Variants in SPTBN1 observed in about 807,000 individuals in gnomAD.
The protein encoded by SPTBN1 is spectrin beta, non-erythrocytic 1.
In SPTBN1, 32 loss-of-function variants were observed where a neutral mutation model predicts 266.4. That is an observed-to-expected ratio of 0.12 (90% confidence interval 0.09 to 0.16). The LOEUF (loss-of-function observed/expected upper bound fraction) is 0.16, where lower values mean the gene tolerates loss of function less well. Among genes scored for constraint, SPTBN1 ranks in the 10% least tolerant of loss-of-function variants. The pLI, the probability that SPTBN1 is intolerant of heterozygous loss-of-function variation, is 1.00. For synonymous variants in SPTBN1, 1,336 were observed against 1,162.2 expected (o/e 1.15, Z -3.04); for missense variants, 2,296 against 3,067.1 (o/e 0.75, Z 5.94).
At chr2:54,655,777 G>A in intron 28 of SPTBN1, 137 bp from the exon 29 acceptor site, 1 of 616,692 alleles carries the variant, frequency 1.6e-6, no homozygotes, top group East Asian at 3.2e-5. Flanking sequence ...TCCTCAGACA[G>A]ACTGAGCAGT....
rs191740225 is a variant in SPTBN1, at chr2:54,644,615, G to T, written c.4269+29G>T. 158 of 1,579,484 alleles carry T rather than the reference G, an allele frequency of 1.0e-4. No individual in the cohort carries two copies. The East Asian group carries it at 2.1e-3, about 21-fold the overall frequency. ...AGTGGACAAGCCATCATGGACTTGG[G>T]TGTATTTCTGTTTTACAGCCATAGT... is the stretch of plus-strand genomic sequence containing the variant. On this transcript the variant is annotated intron_variant, in intron 20 of 35. Coordinates refer to ENST00000356805, the MANE Select transcript of SPTBN1 (RefSeq NM_003128.3).
chr2:54,584,660 A>C (rs1024995509), intron 2 of SPTBN1, among the ~76,000 whole-genome samples: 1 of 152,230 alleles, frequency 6.6e-6, no homozygotes, highest in Non-Finnish European at 1.5e-5. Context: ...CTTCCCACCC[A>C]GATCCAAGAT....
chr2:54,531,570 T>C (rs1671241091), intron 2 of SPTBN1, among the ~76,000 whole-genome samples: 1 of 152,010 alleles, frequency 6.6e-6, no homozygotes, highest in South Asian at 2.1e-4. Flanking sequence ...ACTATAAGTG[T>C]GTGCCACAAA....
intron 9 of SPTBN1, among the ~76,000 whole-genome samples, chr2:54,623,126 T>C (rs759702842): frequency 8.1e-5 from 12 of 148,772 alleles, no homozygotes; most frequent in Non-Finnish European, 1.6e-4. Flanking sequence ...CTAAAACCCA[T>C]TGAAAATTAT....
rs1362983262 is a variant in SPTBN1 at position 54,626,508 on chromosome 2, G to A, written c.1644+274G>A. 2.0e-5 allele frequency among the ~76,000 whole-genome samples: 3 copies of A among 152,146 alleles called. No homozygotes were observed. The highest frequency in any genetic ancestry group is 3.4e-3 in the Middle Eastern group (1 of 292). On this transcript the variant is annotated intron_variant, in intron 12 of 35. Coordinates refer to ENST00000356805, the MANE Select transcript of SPTBN1 (RefSeq NM_003128.3). This position sits in a 1 kb window ranked among gnomAD's most constrained non-coding sequence, Gnocchi z 4.7. The stretch of plus-strand genomic sequence containing the variant: ...CAGTGTAGGGAATCAATCACATTGT[G>A]GTTTTCTTTATTTTTAAGTTTTCAG...
intron 2 of SPTBN1, among the ~76,000 whole-genome samples, chr2:54,594,581 G>A (rs1573490190): frequency 1.3e-5 from 2 of 152,130 alleles, no homozygotes; most frequent in Non-Finnish European, 2.9e-5. Context: ...GGACGACTGT[G>A]CCTGGGACAT....
chr2:54,489,916 A>C (rs1668597285), intron 1 of SPTBN1, among the ~76,000 whole-genome samples: 1 of 152,178 alleles, frequency 6.6e-6, no homozygotes, highest in Non-Finnish European at 1.5e-5. Flanking sequence ...TTCTGGATCA[A>C]CGAGAAGACC....
chr2:54,659,744 T>C (rs1391824239), intron 31 of SPTBN1, among the ~76,000 whole-genome samples, 192 bp from the exon 32 acceptor site: 3 of 152,188 alleles, frequency 2.0e-5, no homozygotes, highest in Admixed American at 1.3e-4. Context: ...GCATAGGGCA[T>C]TCCTGTAGTC....
At chr2:54,571,137 A>G (rs1674035058) in intron 2 of SPTBN1, among the ~76,000 whole-genome samples, 1 of 152,128 alleles carries the variant, frequency 6.6e-6, no homozygotes, top group African/African-American at 2.4e-5. Flanking sequence ...GGGGGTGGTC[A>G]GGAGAGCAGT....
chr2:54,580,206 A>G (rs1246968155), intron 2 of SPTBN1, among the ~76,000 whole-genome samples: 1 of 152,198 alleles, frequency 6.6e-6, no homozygotes, highest in African/African-American at 2.4e-5. Flanking sequence ...TCTTTAAAGT[A>G]AAACCCCTTT....
chr2:54,499,826 A>C (rs1049097548), intron 1 of SPTBN1, among the ~76,000 whole-genome samples: 2 of 152,214 alleles, frequency 1.3e-5, no homozygotes, highest in African/African-American at 4.8e-5. Flanking sequence ...CTAATAGTAC[A>C]TAATAATAAA....
At chr2:54,566,552 C>G (rs944671585) in intron 2 of SPTBN1, among the ~76,000 whole-genome samples, 1 of 151,984 alleles carries the variant, frequency 6.6e-6, no homozygotes, top group African/African-American at 2.4e-5. Flanking sequence ...TTTGACAGGC[C>G]AAGCTCAGTG....
chr2:54,557,465 C>G, intron 2 of SPTBN1, among the ~76,000 whole-genome samples: 1 of 152,144 alleles, frequency 6.6e-6, no homozygotes, highest in Non-Finnish European at 1.5e-5. Flanking sequence ...TTTGATCATT[C>G]TCTTTTCTAT....
intron 1 of SPTBN1, among the ~76,000 whole-genome samples, chr2:54,489,168 A>C (rs940518200): frequency 6.0e-5 from 9 of 150,892 alleles, no homozygotes; most frequent in African/African-American, 1.9e-4. Context: ...AAAAAAAAAA[A>C]AAAAAAACCA....
chr2:54,644,593 G>A lies in SPTBN1; in HGVS notation c.4269+7G>A. ...CCTGCTGAAAAAGCAACAGGCAAGT[G>A]GACAAGCCATCATGGACTTGGGTGT... On this transcript the variant is annotated splice_region_variant and intron_variant, in intron 20 of 35. Transcript: ENST00000356805. 2 of 1,597,298 alleles carry A rather than the reference G, an allele frequency of 1.3e-6. No homozygotes were observed. Among genetic ancestry groups the A allele is most frequent in the Non-Finnish European group, 1.7e-6 (2 of 1,167,266 alleles).
chr2:54,567,831 G>A (rs540058933), intron 2 of SPTBN1, among the ~76,000 whole-genome samples: 251 of 152,250 alleles, frequency 1.6e-3, no homozygotes, highest in Non-Finnish European at 2.6e-3. Flanking sequence ...TATGATGATC[G>A]TTTTGGAGGG....
At position 54,616,192 on chromosome 2, in the gene SPTBN1, C is replaced by A. The variant is rs1445709564; in HGVS notation, c.475-15C>A. 6.2e-7 allele frequency: 1 copy of A among 1,610,070 alleles called. No individual in the cohort carries two copies. The highest frequency in any genetic ancestry group is 8.5e-7 in the Non-Finnish European group (1 of 1,176,996). ...TGACCCATCTATTTGTCTAATATTT[C>A]TTTGTAAATCTTAGATCCAGGATAT... On this transcript the variant is annotated splice_polypyrimidine_tract_variant and intron_variant, in intron 4 of 35. Coordinates refer to ENST00000356805, the MANE Select transcript of SPTBN1 (RefSeq NM_003128.3).
chr2:54,644,003 T>C (rs914839722), intron 19 of SPTBN1, among the ~76,000 whole-genome samples: 5 of 151,750 alleles, frequency 3.3e-5, no homozygotes, highest in Admixed American at 3.3e-4. Flanking sequence ...ATAATAATAA[T>C]AATAATAATG....
At chr2:54,612,042 A>G (rs1213092463) in intron 3 of SPTBN1, 119 bp from the exon 4 acceptor site, 3 of 1,001,714 alleles carry the variant, frequency 3.0e-6, no homozygotes, top group Non-Finnish European at 4.4e-6. Context: ...GTGTTTGTTA[A>G]TGTTCTGCTC....
Sources: gnomAD v4.1 joint callset for allele counts (sites outside exome capture counted in the v4.1 genomes callset) on GRCh38, gnomAD v4.1.1 for gene constraint, Gnocchi (gnomAD v3.1) non-coding constraint, MANE v1.5 for transcripts, NCBI Gene and HGNC (gene_info 2026-07-23, HGNC 2026-07-21) for gene names.